Variants in BICRA observed in about 807,000 individuals in gnomAD.
BICRA encodes the protein BRD4 interacting chromatin remodeling complex associated protein, also known as BRD4-interacting chromatin-remodeling complex-associated protein.
In BICRA, 31 loss-of-function variants were observed where a neutral mutation model predicts 96.9. The observed-to-expected ratio is 0.32, with a 90% CI of 0.24 to 0.43. BICRA has a LOEUF of 0.43. BICRA is among the 20% of genes least tolerant of loss of function. The pLI, the probability that BICRA is intolerant of heterozygous loss-of-function variation, is 1.00. For synonymous variants in BICRA, 1,350 were observed against 1,071.8 expected (o/e 1.26, Z -5.07); for missense variants, 2,283 against 2,190.3 (o/e 1.04, Z -0.84).
chr19:47,702,845 T>G lies in BICRA; in HGVS notation c.*430T>G. The G allele has an allele frequency of 5.5e-6, 1 of 182,508 alleles. No homozygotes were observed. 11.3% of individuals were successfully genotyped at this position (182,508 alleles called of 1,614,324 possible). On this transcript the variant is annotated 3_prime_UTR_variant, in exon 15 of 15. Transcript: ENST00000594866. ...GAGCTGGCAGGGTCCTTCCAGACAGTCTCAGCCTCTCCCCGCCGCCCCCAA... is the reference window on the plus strand; with the variant it reads ...GAGCTGGCAGGGTCCTTCCAGACAGGCTCAGCCTCTCCCCGCCGCCCCCAA...
In BICRA at chr19:47,682,104, C is replaced by G. The variant is rs762527059; in HGVS notation, c.2235C>G (p.Leu745=). 6.6e-7 allele frequency: 1 copy of G among 1,518,320 alleles called. No homozygotes were observed. 94.1% of individuals were successfully genotyped at this position (1,518,320 alleles called of 1,614,324 possible). ...CCCCCGTCGCCAAAGGAGCTGGCCT[C>G]GGCCCTCAGGCCCCCGACAGCCAGG... ...PATPVAKGAG[L]GPQAPDSQAS... Residue 745 remains leucine (L), a synonymous_variant, in exon 7 of 15, where the codon CTC becomes CTG. Transcript: ENST00000594866.
At chr19:47,659,458 G>T (rs1162561607) in intron 1 of BICRA, among the ~76,000 whole-genome samples, 2 of 152,074 alleles carry the variant, frequency 1.3e-5, no homozygotes, top group East Asian at 3.9e-4. Context: ...GCTCTTACGG[G>T]GCTTTTTCAT....
At position 47,680,674 on chromosome 19, in the gene BICRA, G is replaced by GC; in HGVS notation, c.1510dup (p.His504ProfsTer170). The GC allele has an allele frequency of 6.2e-7, 1 of 1,604,748 alleles. No individual in the cohort carries two copies. Among genetic ancestry groups the GC allele is most frequent in the African/African-American group, 1.3e-5 (1 of 74,762 alleles). On this transcript the variant is annotated frameshift_variant, in exon 6 of 15. Transcript: ENST00000594866. LOFTEE classifies it high-confidence loss of function. ...GGGCGGGCAGATCCTGGCGGCCGCT[G>GC]CCCCCCACACAGGTGGACAGCTCAT...
rs548052009 is a variant in BICRA at position 47,668,806 on chromosome 19, A to G, written c.-107-1637A>G. Among the ~76,000 whole-genome samples the G allele has an allele frequency of 8.6e-5, 13 of 151,796 alleles. No individual in the cohort carries two copies. In the East Asian group the frequency reaches 2.3e-3, roughly 27 times the overall value. ...GCGCCCGGCTGTCTTTGTGCTTCTT[A>G]TTGGTGATTTCTCTGTTTAAAATGG... On this transcript the variant is annotated intron_variant, in intron 1 of 14. Transcript: ENST00000594866.
Position 47,673,554 on chromosome 19 carries a change from A to G in BICRA, c.-5-16A>G. On this transcript the variant is annotated splice_polypyrimidine_tract_variant and intron_variant, in intron 2 of 14. Coordinates refer to ENST00000594866, the MANE Select transcript of BICRA (RefSeq NM_001394372.1). ...CCTTGTCTCCCTCGCCCTCTTCCTG[A>G]CCCCACCCCATCCAGTGGCGATGGA... The G allele has an allele frequency of 1.2e-6, 2 of 1,609,072 alleles. No individual in the cohort carries two copies. The highest frequency in any genetic ancestry group is 1.7e-6 in the Non-Finnish European group (2 of 1,175,910).
intron 7 of BICRA, among the ~76,000 whole-genome samples, chr19:47,682,676 C>CT (rs61431925): frequency 0.32 from 46,903 of 144,628 alleles, 7,952 homozygotes; most frequent in African/African-American, 0.46. Context: ...TTCTCTCTCT[C>CT]TTTTTTTTTT....
rs528634107 is a variant in BICRA, at chr19:47,630,121, T to A, written c.-108+20953T>A. Among the ~76,000 whole-genome samples the A allele has an allele frequency of 5.9e-5, 9 of 151,294 alleles. No homozygotes were observed. The South Asian group carries it at 1.9e-3, about 32-fold the overall frequency. On this transcript the variant is annotated intron_variant, in intron 1 of 14. Transcript: ENST00000594866. ...CTCTATCCTCCCTTCCCTCAGCACC[T>A]CGTTACCTCTATTCTACTCTCTATA... is the stretch of plus-strand genomic sequence containing the variant.
At chr19:47,643,471 A>G (rs2068832) in intron 1 of BICRA, among the ~76,000 whole-genome samples, 110,493 of 152,046 alleles carry the variant, frequency 0.73, 40,602 homozygotes, top group African/African-American at 0.83. Flanking sequence ...CACTGGCAGC[A>G]TCCCTGGCAT....
At chr19:47,654,740 C>T (rs866592238) in intron 1 of BICRA, among the ~76,000 whole-genome samples, 1 of 150,830 alleles carries the variant, frequency 6.6e-6, no homozygotes, top group Non-Finnish European at 1.5e-5. Context: ...ATTACTTGAG[C>T]CCAGGAATTC....
At chr19:47,641,213 C>A (rs1341498371) in intron 1 of BICRA, among the ~76,000 whole-genome samples, 3 of 151,606 alleles carry the variant, frequency 2.0e-5, no homozygotes, top group Admixed American at 2.0e-4. Context: ...AGCCACCGCA[C>A]CTGGCCAGTT....
chr19:47,609,191 A>G (rs1354010051), intron 1 of BICRA, 23 bp downstream of exon 1: 2 of 147,196 alleles, frequency 1.4e-5, no homozygotes, highest in Non-Finnish European at 3.0e-5. Flanking sequence ...CAATGTAGCA[A>G]TTTCTCTTTA....
At chr19:47,649,052 C>T (rs1972505483) in intron 1 of BICRA, among the ~76,000 whole-genome samples, 1 of 152,076 alleles carries the variant, frequency 6.6e-6, no homozygotes, top group African/African-American at 2.4e-5. Context: ...GGGGTTTCAC[C>T]ATGTTAGCTA....
intron 1 of BICRA, among the ~76,000 whole-genome samples, chr19:47,654,607 G>A (rs886682256): frequency 6.6e-6 from 1 of 151,836 alleles, no homozygotes; most frequent in Admixed American, 6.6e-5. Context: ...TCAGCCTCCC[G>A]AGTAGCTGGG....
rs780485474 is a variant in BICRA at position 47,701,934 on chromosome 19, C to T, written c.4202C>T (p.Pro1401Leu). 3 of 1,433,980 alleles carry T rather than the reference C, an allele frequency of 2.1e-6. No individual in the cohort carries two copies. Among genetic ancestry groups the T allele is most frequent in the South Asian group, 1.4e-5 (1 of 71,688 alleles). 88.8% of individuals were successfully genotyped at this position (1,433,980 alleles called of 1,614,324 possible). A position where few individuals can be genotyped will look rare whatever the true frequency, so the allele number is the denominator to read the frequency against. The change falls in exon 15 of 15, where the codon CCG (proline) becomes CTG (leucine). Residue 1401 changes from proline to leucine, a missense_variant. Transcript: ENST00000594866. The surrounding 1 kb of genome is among the most constrained non-coding windows in gnomAD (Gnocchi z 5.4). Reference sequence around the variant, plus strand: ...GAGAACGTGGGGGGCCCTGGCGCGCCGGAGGGGACGCCCGCAGGCAGGGCA... The same window carrying T: ...GAGAACGTGGGGGGCCCTGGCGCGCTGGAGGGGACGCCCGCAGGCAGGGCA... ...YRENVGGPGA[P>L]EGTPAGRARG...
rs1220219835 is a variant in BICRA at position 47,699,374 on chromosome 19, C to G, written c.3564C>G (p.Ala1188=). 1 of 1,566,266 alleles carries G rather than the reference C, an allele frequency of 6.4e-7. No homozygotes were observed. The highest frequency in any genetic ancestry group is 8.7e-7 in the Non-Finnish European group (1 of 1,155,446). ...MFIQEEKTTL[A]LDKQLAKEKP... Reference sequence around the variant, plus strand: ...TTCAGGAGGAGAAGACCACCCTTGCCTTGGATAAACAGCTGGCCAAGGAGA... The same window carrying G: ...TTCAGGAGGAGAAGACCACCCTTGCGTTGGATAAACAGCTGGCCAAGGAGA... The change falls in exon 14 of 15, where the codon GCC becomes GCG. Residue 1188 remains alanine (A), a synonymous_variant. Transcript: ENST00000594866. This position sits in a 1 kb window ranked among gnomAD's most constrained non-coding sequence, Gnocchi z 5.0.
chr19:47,680,485 C>T lies in BICRA; in HGVS notation c.1315C>T (p.Pro439Ser), dbSNP rs114525121. The change falls in exon 6 of 15, where the codon CCC (proline) becomes TCC (serine). Residue 439 changes from proline to serine, a missense_variant. Transcript: ENST00000594866. Reference sequence around the variant, plus strand: ...CACCACCGGAGCGGCCCCGCCGCAGCCCCCCGGGGCCCTGAGCAAACCCAT... The same window carrying T: ...CACCACCGGAGCGGCCCCGCCGCAGTCCCCCGGGGCCCTGAGCAAACCCAT... ...ATTTGAAPPQ[P>S]PGALSKPMSV... is the part of the protein sequence containing the mutation. 1.3e-6 allele frequency: 2 copies of T among 1,540,524 alleles called. No individual in the cohort carries two copies. The highest frequency in any genetic ancestry group is 1.4e-5 in the African/African-American group (1 of 72,804).
chr19:47,685,753 G>T (rs997488420), intron 7 of BICRA, among the ~76,000 whole-genome samples: 5 of 121,170 alleles, frequency 4.1e-5, no homozygotes, highest in Non-Finnish European at 8.4e-5. Context: ...GTGTGTGTGT[G>T]TGTGTGTGTG....
At position 47,701,845 on chromosome 19, in the gene BICRA, C is replaced by T. The variant is rs754709833; in HGVS notation, c.4113C>T (p.Pro1371=). Reference sequence around the variant, plus strand: ...TGGACCACCCGCCGCCTGCCGCCCCCGAGCGCAAGCCCCTGGGCACCGCCC... The same window carrying T: ...TGGACCACCCGCCGCCTGCCGCCCCTGAGCGCAAGCCCCTGGGCACCGCCC... ...GTVDHPPPAA[P]ERKPLGTAPH... is the part of the protein sequence containing the mutation. The change falls in exon 15 of 15, where the codon CCC becomes CCT. Residue 1371 remains proline, a synonymous_variant. Transcript: ENST00000594866. This position sits in a 1 kb window ranked among gnomAD's most constrained non-coding sequence, Gnocchi z 5.4. 3 of 1,517,120 alleles carry T rather than the reference C, an allele frequency of 2.0e-6. No individual in the cohort carries two copies. Among genetic ancestry groups the T allele is most frequent in the South Asian group, 2.4e-5 (2 of 82,882 alleles). The allele number at this position is 1,517,120 out of a possible 1,614,324, so 94.0% of individuals were successfully genotyped here.
chr19:47,699,414 G>A lies in BICRA; in HGVS notation c.3595+9G>A. 1 of 1,496,712 alleles carries A rather than the reference G, an allele frequency of 6.7e-7. No homozygotes were observed. Among genetic ancestry groups the A allele is most frequent in the Non-Finnish European group, 9.1e-7 (1 of 1,095,774 alleles). The allele number at this position is 1,496,712 out of a possible 1,614,324, so 92.7% of individuals were successfully genotyped here. On this transcript the variant is annotated intron_variant, in intron 14 of 14. Coordinates refer to ENST00000594866, the MANE Select transcript of BICRA (RefSeq NM_001394372.1). This position sits in a 1 kb window ranked among gnomAD's most constrained non-coding sequence, Gnocchi z 5.0. ...GGCCAAGGAGAAGCCGGGTGAGAGGGGGGAGTGAGAGGGGAGGGGAGGGAG... is the reference window on the plus strand; with the variant it reads ...GGCCAAGGAGAAGCCGGGTGAGAGGAGGGAGTGAGAGGGGAGGGGAGGGAG...
Sources: allele counts gnomAD v4.1 joint callset (sites outside exome capture counted in the v4.1 genomes callset), GRCh38; gene constraint gnomAD v4.1.1; non-coding constraint Gnocchi (gnomAD v3.1); transcripts MANE v1.5; gene names NCBI Gene and HGNC (gene_info 2026-07-23, HGNC 2026-07-21).